CPEB3: variants seen among roughly 807,000 people sequenced by gnomAD.
The protein encoded by CPEB3 is cytoplasmic polyadenylation element-binding protein 3.
CPEB3 carries 20 observed loss-of-function variants against 67.2 expected under a neutral mutation model. The observed-to-expected ratio is 0.30, with a 90% CI of 0.21 to 0.43. The LOEUF is 0.43. Ranked by LOEUF, CPEB3 falls within the 20% of genes least tolerant of loss-of-function variation. The probability of loss-of-function intolerance (pLI) is 1.00; values close to 1 mark genes in which losing one functional copy is unlikely to be tolerated. For synonymous variants in CPEB3, 376 were observed against 393.1 expected (o/e 0.96, Z 0.51); for missense variants, 746 against 968.6 (o/e 0.77, Z 3.05).
At chr10:92,233,261 G>T (rs1324672536) in intron 2 of CPEB3, among the ~76,000 whole-genome samples, 2 of 152,124 alleles carry the variant, frequency 1.3e-5, no homozygotes, top group Non-Finnish European at 2.9e-5. Context: ...AGATGCGGTG[G>T]CTCACACCTC....
rs1304148125 is a variant in CPEB3, at chr10:92,052,310, AGCAGTATTC to A, written c.1990_1998del (p.Glu664_Cys666del). 6.2e-7 allele frequency: 1 copy of A among 1,614,160 alleles called. No homozygotes were observed. The highest frequency in any genetic ancestry group is 2.2e-5 in the East Asian group (1 of 44,872). ...CCGGCTCGGGAATGTATGCTCGCCC[AGCAGTATTC>A]ACAGTAATACTGCAGACAGGTGACG... is the stretch of plus-strand genomic sequence containing the variant. On this transcript the variant is annotated inframe_deletion, in exon 10 of 10. Transcript: ENST00000265997.
intron 8 of CPEB3, among the ~76,000 whole-genome samples, chr10:92,090,834 C>T (rs1843586080): frequency 6.6e-6 from 1 of 152,172 alleles, no homozygotes; most frequent in South Asian, 2.1e-4. Flanking sequence ...AAAAGGGGAG[C>T]ATCTCTGCTG....
At chr10:92,204,398 C>T (rs901020656) in intron 2 of CPEB3, 6 of 152,356 alleles carry the variant, frequency 3.9e-5, no homozygotes, top group Admixed American at 2.6e-4. Context: ...TCAATTTGGG[C>T]TAGCAGCTTT....
chr10:92,262,018 T>G (rs1852823378), intron 1 of CPEB3, among the ~76,000 whole-genome samples: 1 of 152,234 alleles, frequency 6.6e-6, no homozygotes, highest in African/African-American at 2.4e-5. Flanking sequence ...CTCAGCCCCT[T>G]GCTCTAACCA....
intron 2 of CPEB3, among the ~76,000 whole-genome samples, chr10:92,214,911 A>T (rs2134375063): frequency 6.6e-6 from 1 of 151,784 alleles, no homozygotes; most frequent in African/African-American, 2.4e-5. Flanking sequence ...GCAGTGGTGC[A>T]ATCTTGGCTC....
At position 92,281,187 on chromosome 10, in the gene CPEB3, G is replaced by A. The variant is rs562329798; in HGVS notation, c.-12+9739C>T. 4.0e-5 allele frequency among the ~76,000 whole-genome samples: 6 copies of A among 151,340 alleles called. No homozygotes were observed. In the South Asian group the frequency reaches 6.3e-4, roughly 16 times the overall value. The stretch of plus-strand genomic sequence containing the variant: ...AGACATTTCTTCAAATAATTTTTTG[G>A]GGAAGAAATGTCTTTTTAGGTCCTT... On this transcript the variant is annotated intron_variant, in intron 1 of 9. Transcript: ENST00000265997.
rs148296649 is a variant in CPEB3 at position 92,208,429 on chromosome 10, A to G, written c.1006-15793T>C. Reference sequence around the variant, plus strand: ...AATGTTAATAGTTTTCAAGAATCTGATAAGTATTTATGTAGAAGAAACTTG... The same window carrying G: ...AATGTTAATAGTTTTCAAGAATCTGGTAAGTATTTATGTAGAAGAAACTTG... On this transcript the variant is annotated intron_variant, in intron 2 of 9. Coordinates refer to ENST00000265997, the MANE Select transcript of CPEB3 (RefSeq NM_014912.5). Among the ~76,000 whole-genome samples the G allele has an allele frequency of 3.9e-3, 593 of 152,290 alleles. 2 individuals are homozygous for G. The highest frequency in any genetic ancestry group is 0.01 in the African/African-American group (430 of 41,564).
In CPEB3 at chr10:92,161,106, A is replaced by G. The variant is rs1847452111; in HGVS notation, c.1223-16021T>C. On this transcript the variant is annotated intron_variant, in intron 4 of 9. Transcript: ENST00000265997. The stretch of plus-strand genomic sequence containing the variant: ...CACCCAAGCTGGTCTCCTGGACTTC[A>G]AGGGATCTGCCCACCTTGGCCTCCC... Among the ~76,000 whole-genome samples the G allele has an allele frequency of 3.9e-5, 6 of 152,212 alleles. No individual in the cohort carries two copies. In the South Asian group the frequency reaches 8.3e-4, roughly 21 times the overall value.
At chr10:92,243,322 A>T (rs1851927984) in intron 1 of CPEB3, 1 of 152,208 alleles carries the variant, frequency 6.6e-6, no homozygotes, top group Non-Finnish European at 1.5e-5. Context: ...TGGGGGCTGA[A>T]GTCCTTCACA....
At chr10:92,265,522 C>T (rs915546199) in intron 1 of CPEB3, among the ~76,000 whole-genome samples, 16 of 151,976 alleles carry the variant, frequency 1.1e-4, no homozygotes, top group African/African-American at 3.9e-4. Context: ...TTTGGGAGGC[C>T]GAGGCAGGTG....
Position 92,239,667 on chromosome 10 carries a change from G to C in CPEB3, c.684C>G (p.Ala228=), listed in dbSNP as rs1447607953. Residue 228 remains alanine, a synonymous_variant, in exon 2 of 10, where the codon GCC becomes GCG. Coordinates refer to ENST00000265997, the MANE Select transcript of CPEB3 (RefSeq NM_014912.5). This position sits in a 1 kb window ranked among gnomAD's most constrained non-coding sequence, Gnocchi z 6.0. The stretch of plus-strand genomic sequence containing the variant: ...ACGAGGCGGCGGCTGCGGCAGCAGC[G>C]GCTGCAACCGCCGAAGACGAGGACG... ...SKPSSSSAVA[A]AAAAAAASSA... The C allele has an allele frequency of 6.4e-7, 1 of 1,561,978 alleles. No individual in the cohort carries two copies. The highest frequency in any genetic ancestry group is 8.7e-7 in the Non-Finnish European group (1 of 1,155,118).
At chr10:92,138,665 T>C (rs940944718) in intron 6 of CPEB3, among the ~76,000 whole-genome samples, 1 of 152,146 alleles carries the variant, frequency 6.6e-6, no homozygotes, top group Non-Finnish European at 1.5e-5. Flanking sequence ...TCACCACAGT[T>C]AAAATGGTTT....
At chr10:92,059,172 C>T (rs1842232741) in intron 9 of CPEB3, among the ~76,000 whole-genome samples, 1 of 151,472 alleles carries the variant, frequency 6.6e-6, no homozygotes, top group Admixed American at 6.6e-5. Context: ...ACTAAAAATA[C>T]AAAATTAGCC....
intron 4 of CPEB3, among the ~76,000 whole-genome samples, chr10:92,151,723 C>G (rs931492819): frequency 2.6e-5 from 4 of 152,148 alleles, no homozygotes; most frequent in Admixed American, 1.3e-4. Context: ...ACAATTCACC[C>G]AATCACTTCA....
chr10:92,265,680 CAGA>C (rs1283074727), intron 1 of CPEB3, among the ~76,000 whole-genome samples: 1 of 149,050 alleles, frequency 6.7e-6, no homozygotes, highest in East Asian at 2.0e-4. Context: ...ACCCAGGAGG[CAGA>C]AGGTGTAGTT....
intron 6 of CPEB3, among the ~76,000 whole-genome samples, chr10:92,141,242 C>A (rs1428562203): frequency 1.3e-5 from 2 of 149,352 alleles, no homozygotes; most frequent in Admixed American, 6.7e-5. Flanking sequence ...AAATGTCCGA[C>A]AATGATAGAC....
intron 6 of CPEB3, among the ~76,000 whole-genome samples, chr10:92,115,651 C>G (rs1276192399): frequency 6.6e-6 from 1 of 152,082 alleles, no homozygotes; most frequent in African/African-American, 2.4e-5. Flanking sequence ...AATAGACTAT[C>G]CTGCGTTAAA....
intron 9 of CPEB3, among the ~76,000 whole-genome samples, chr10:92,063,264 T>C (rs1389855061): frequency 6.6e-6 from 1 of 152,236 alleles, no homozygotes; most frequent in African/African-American, 2.4e-5. Flanking sequence ...AAACAACTCT[T>C]AGTGGCAGAG....
intron 1 of CPEB3, among the ~76,000 whole-genome samples, chr10:92,250,858 A>ATTTTTTTTTTTTTTTTTT (rs1211646953): frequency 3.8e-5 from 4 of 104,120 alleles, no homozygotes; most frequent in Non-Finnish European, 5.7e-5. Context: ...CACACAGTTA[A>ATTTTTTTTTTTTTTTTTT]TTTTTTTTTT....
Sources: allele counts gnomAD v4.1 joint callset (sites outside exome capture counted in the v4.1 genomes callset), GRCh38; gene constraint gnomAD v4.1.1; non-coding constraint Gnocchi (gnomAD v3.1); transcripts MANE v1.5; gene names NCBI Gene and HGNC (gene_info 2026-07-23, HGNC 2026-07-21).